The following VPS13A variants were observed in gnomAD, a reference collection of about 807,000 sequenced individuals.
The protein encoded by VPS13A is vacuolar protein sorting 13 homolog A.
A neutral mutation model predicts 390.9 loss-of-function variants in VPS13A; 264 were observed. The ratio of observed to expected loss-of-function variants is 0.68; its 90% CI spans 0.61 to 0.75. The LOEUF (loss-of-function observed/expected upper bound fraction) is 0.75, where lower values mean the gene tolerates loss of function less well. VPS13A is among the 30% of genes least tolerant of loss of function. The probability of loss-of-function intolerance (pLI) is 0.00; values close to 1 mark genes in which losing one functional copy is unlikely to be tolerated. For missense variants in VPS13A, 3,409 were observed against 3,733.9 expected (o/e 0.91, Z 2.27); for synonymous variants, 1,231 against 1,227.1 (o/e 1.00, Z -0.07).
intron 22 of VPS13A, among the ~76,000 whole-genome samples, chr9:77,257,829 G>T (rs1002019651): frequency 6.6e-6 from 1 of 151,956 alleles, no homozygotes; most frequent in Admixed American, 6.6e-5. Flanking sequence ...TTCCTGTTTT[G>T]CCCCCTCCAG....
At chr9:77,285,842 C>G (rs952554746) in intron 31 of VPS13A, among the ~76,000 whole-genome samples, 12 of 152,166 alleles carry the variant, frequency 7.9e-5, no homozygotes, top group African/African-American at 2.9e-4. Flanking sequence ...CCACTTAAGT[C>G]TGTTATAGTT....
chr9:77,369,262 T>C (rs757771695), intron 62 of VPS13A, 37 bp from the exon 63 acceptor site: 13 of 1,462,562 alleles, frequency 8.9e-6, no homozygotes, highest in Non-Finnish European at 1.2e-5. Context: ...ATAGATCTAA[T>C]TATCTGAATT....
intron 3 of VPS13A, among the ~76,000 whole-genome samples, chr9:77,202,852 G>GTGTACCTC (rs1825411249): frequency 2.0e-5 from 3 of 152,164 alleles, no homozygotes; most frequent in Admixed American, 2.0e-4. Context: ...TTAAGGTGTT[G>GTGTACCTC]TGTACCTCTG....
chr9:77,380,082 T>G (rs1450095059), intron 67 of VPS13A, among the ~76,000 whole-genome samples: 1 of 152,120 alleles, frequency 6.6e-6, no homozygotes, highest in Admixed American at 6.5e-5. Context: ...GATTGACCCT[T>G]TTTTCCTTAT....
chr9:77,357,559 G>C, intron 55 of VPS13A, 133 bp from the exon 56 acceptor site: 1 of 852,282 alleles, frequency 1.2e-6, no homozygotes, highest in East Asian at 2.7e-5. Flanking sequence ...TTATGGACAT[G>C]GGATATTAAG....
chr9:77,243,324 T>C lies in VPS13A; in HGVS notation c.1901-3935T>C, dbSNP rs79876335. Reference sequence around the variant, plus strand: ...GGGAAATAGGAAATTCAGAGTATTCTAAGCAGCATTTTCTGTGAATATGAT... The same window carrying C: ...GGGAAATAGGAAATTCAGAGTATTCCAAGCAGCATTTTCTGTGAATATGAT... On this transcript the variant is annotated intron_variant, in intron 19 of 71. Transcript: ENST00000360280. Among the ~76,000 whole-genome samples, 25 of 152,276 alleles carry C rather than the reference T, an allele frequency of 1.6e-4. No individual in the cohort carries two copies. The East Asian group carries it at 4.8e-3, about 29-fold the overall frequency.
chr9:77,344,317 G>A, intron 51 of VPS13A, 36 bp downstream of exon 51: 1 of 1,604,728 alleles, frequency 6.2e-7, no homozygotes, highest in Admixed American at 1.7e-5. Context: ...GTGTCATTAG[G>A]AAAGCTAAAA....
Position 77,337,521 on chromosome 9 carries a change from T to C in VPS13A, c.6362T>C (p.Ile2121Thr). ...ILLRNLLPYKIAYYIEGIENS... is the reference protein window; with the variant it reads ...ILLRNLLPYKTAYYIEGIENS... The stretch of plus-strand genomic sequence containing the variant: ...CTCCGAAATCTTCTTCCTTACAAAA[T>C]TGCTTATTATATAGAGGTATCGGCA... The change falls in exon 47 of 72, where the codon ATT becomes ACT. Residue 2121 changes from isoleucine (I) to threonine (T), a missense_variant. Around this residue, in one of 5 missense-constraint regions of VPS13A, gnomAD observed 2,717 missense variants for 2,917.4 expected, o/e 0.93. Coordinates refer to ENST00000360280, the MANE Select transcript of VPS13A (RefSeq NM_033305.3). 4 of 1,612,742 alleles carry C rather than the reference T, an allele frequency of 2.5e-6. No individual in the cohort carries two copies. The highest frequency in any genetic ancestry group is 3.4e-6 in the Non-Finnish European group (4 of 1,179,436).
At chr9:77,354,886 A>G (rs1035899376) in intron 54 of VPS13A, among the ~76,000 whole-genome samples, 3 of 152,138 alleles carry the variant, frequency 2.0e-5, no homozygotes, top group Non-Finnish European at 4.4e-5. Context: ...TACAGTAGAT[A>G]TATGTGCTCC....
At chr9:77,409,195 G>A (rs1413708273) in intron 71 of VPS13A, among the ~76,000 whole-genome samples, 2 of 152,208 alleles carry the variant, frequency 1.3e-5, no homozygotes, top group African/African-American at 4.8e-5. Flanking sequence ...GGTCTGGAGT[G>A]GACCTCCAGC....
chr9:77,295,421 A>T, intron 32 of VPS13A, 121 bp from the exon 33 acceptor site: 1 of 808,950 alleles, frequency 1.2e-6, no homozygotes, highest in South Asian at 2.9e-5. Context: ...TGAATAAATA[A>T]TGCTTGGTTG....
In VPS13A at chr9:77,220,355, G is replaced by C; in HGVS notation, c.961G>C (p.Val321Leu). 6.2e-7 allele frequency: 1 copy of C among 1,610,430 alleles called. No individual in the cohort carries two copies. The highest frequency in any genetic ancestry group is 8.5e-7 in the Non-Finnish European group (1 of 1,178,724). The part of the protein sequence containing the change: ...NLPYRKFKPD[V>L]PLHHHAREWW... ...GCCATATAGGAAGTTCAAACCTGAT[G>C]TGCCTCTTCACCACCATGCCAGAGA... The change falls in exon 12 of 72, where the codon GTG becomes CTG. Residue 321 changes from valine (V) to leucine (L), a missense_variant. Physicochemically the swap from Val to Leu is conservative, Grantham distance 32 (BLOSUM62 1). Transcript: ENST00000360280.
At chr9:77,324,385 T>A (rs997863017) in intron 45 of VPS13A, among the ~76,000 whole-genome samples, 2 of 152,218 alleles carry the variant, frequency 1.3e-5, no homozygotes, top group Non-Finnish European at 2.9e-5. Flanking sequence ...ATTTGTGTTG[T>A]TTTGTAGATG....
intron 45 of VPS13A, among the ~76,000 whole-genome samples, chr9:77,331,133 A>AT (rs146783254): frequency 1.4e-4 from 21 of 150,972 alleles, no homozygotes; most frequent in Admixed American, 4.6e-4. Flanking sequence ...TTTCATTTTC[A>AT]TTTTTTTTTA....
At chr9:77,178,513 T>C (rs1823797792) in intron 1 of VPS13A, among the ~76,000 whole-genome samples, 1 of 152,180 alleles carries the variant, frequency 6.6e-6, no homozygotes, top group African/African-American at 2.4e-5. Context: ...TTCAAGACTT[T>C]AGGATATGTG....
At chr9:77,211,711 G>A (rs1825982896) in intron 7 of VPS13A, 1 of 152,180 alleles carries the variant, frequency 6.6e-6, no homozygotes, top group African/African-American at 2.4e-5. Flanking sequence ...GCAATGTGAA[G>A]ATCTTTGGTA....
chr9:77,207,243 A>ATATATC (rs1825715542), intron 5 of VPS13A, among the ~76,000 whole-genome samples: 1 of 103,228 alleles, frequency 9.7e-6, no homozygotes, highest in Non-Finnish European at 2.1e-5. Flanking sequence ...ATATATATAT[A>ATATATC]TATATATATA....
chr9:77,223,226 G>A (rs901380431), intron 13 of VPS13A, among the ~76,000 whole-genome samples: 2 of 152,080 alleles, frequency 1.3e-5, no homozygotes, highest in Non-Finnish European at 2.9e-5. Flanking sequence ...CTGACTGGCT[G>A]TTTTCCTGAC....
intron 27 of VPS13A, 25 bp downstream of exon 27, chr9:77,280,263 T>G: frequency 6.4e-7 from 1 of 1,557,254 alleles, no homozygotes; most frequent in Non-Finnish European, 8.9e-7. Flanking sequence ...TTATATCTGC[T>G]TAATATGGTA....
Sources: allele counts gnomAD v4.1 joint callset (sites outside exome capture counted in the v4.1 genomes callset), GRCh38; gene constraint gnomAD v4.1.1; regional missense constraint gnomAD v4.1.1; transcripts MANE v1.5; gene names NCBI Gene and HGNC (gene_info 2026-07-23, HGNC 2026-07-21).